GAS7: variants seen among roughly 807,000 people sequenced by gnomAD.
The protein encoded by GAS7 is growth arrest specific 7.
A neutral mutation model predicts 71.1 loss-of-function variants in GAS7; 28 were observed. That is an observed-to-expected ratio of 0.39 (90% CI 0.29 to 0.54). The LOEUF (loss-of-function observed/expected upper bound fraction) is 0.54, where lower values mean the gene tolerates loss of function less well. Ranked by LOEUF, GAS7 falls within the 20% of genes least tolerant of loss-of-function variation. The probability of loss-of-function intolerance (pLI) is 0.62; values close to 1 mark genes in which losing one functional copy is unlikely to be tolerated. For missense variants in GAS7, 436 were observed against 627.8 expected (o/e 0.69, Z 3.27); for synonymous variants, 258 against 245.8 (o/e 1.05, Z -0.46).
chr17:10,064,205 G>A (rs3930968), intron 1 of GAS7, among the ~76,000 whole-genome samples: 84,747 of 151,946 alleles, frequency 0.56, 24,908 homozygotes, highest in African/African-American at 0.73. Context: ...CGGGCTCCAC[G>A]ACACGCAGGG....
At chr17:10,150,163 T>C (rs1191344812) in intron 1 of GAS7, among the ~76,000 whole-genome samples, 1 of 152,110 alleles carries the variant, frequency 6.6e-6, no homozygotes, top group Non-Finnish European at 1.5e-5. Context: ...GACCTAGAAA[T>C]AGTGGTTAAC....
In GAS7 at chr17:9,926,512, C is replaced by T. The variant is rs900038821; in HGVS notation, c.1014+129G>A. On this transcript the variant is annotated intron_variant, in intron 10 of 13. Coordinates refer to ENST00000432992, the MANE Select transcript of GAS7 (RefSeq NM_201433.2). This position sits in a 1 kb window ranked among gnomAD's most constrained non-coding sequence, Gnocchi z 5.0. The stretch of plus-strand genomic sequence containing the variant: ...TGGCGTAGGCACGAGGCTTGGACAT[C>T]CCCCTATTCCCCTACCTGGGGACAA... The T allele has an allele frequency of 5.8e-5, 56 of 968,428 alleles. No individual in the cohort carries two copies. Among genetic ancestry groups the T allele is most frequent in the Admixed American group, 3.7e-4 (18 of 48,848 alleles). The allele number at this position is 968,428 out of a possible 1,614,324, so 60.0% of individuals were successfully genotyped here. A position where few individuals can be genotyped will look rare whatever the true frequency, so the allele number is the denominator to read the frequency against.
chr17:10,135,081 T>C (rs898603916), intron 1 of GAS7, among the ~76,000 whole-genome samples: 1 of 152,136 alleles, frequency 6.6e-6, no homozygotes, highest in Non-Finnish European at 1.5e-5. Flanking sequence ...TCTACCTGCC[T>C]CGGCCTCCCA....
chr17:10,145,710 G>C (rs2074116113), intron 1 of GAS7, among the ~76,000 whole-genome samples: 1 of 152,168 alleles, frequency 6.6e-6, no homozygotes, highest in South Asian at 2.1e-4. Context: ...GGGCCAGGTG[G>C]GGGAGGTGGG....
At chr17:10,086,996 T>C (rs2073526573) in intron 1 of GAS7, among the ~76,000 whole-genome samples, 1 of 152,176 alleles carries the variant, frequency 6.6e-6, no homozygotes, top group Admixed American at 6.5e-5. Flanking sequence ...TCCCCAGTTA[T>C]GAAATAATGT....
chr17:10,117,603 T>A (rs2073871764), intron 1 of GAS7, among the ~76,000 whole-genome samples: 1 of 151,938 alleles, frequency 6.6e-6, no homozygotes, highest in African/African-American at 2.4e-5. Context: ...GGGGACCCAA[T>A]TATGTAGCAC....
intron 9 of GAS7, among the ~76,000 whole-genome samples, chr17:9,932,658 A>C (rs1215649168): frequency 6.6e-6 from 1 of 152,208 alleles, no homozygotes; most frequent in African/African-American, 2.4e-5. Flanking sequence ...AGGGAGAGTC[A>C]CTTGGAAACA....
chr17:10,176,101 T>C (rs1166813083), intron 1 of GAS7, among the ~76,000 whole-genome samples: 4 of 152,130 alleles, frequency 2.6e-5, no homozygotes, highest in Admixed American at 2.6e-4. Flanking sequence ...CCTCGAGCCT[T>C]AGAGGGGCTT....
intron 4 of GAS7, among the ~76,000 whole-genome samples, chr17:9,961,995 G>T (rs1382005336): frequency 6.6e-6 from 1 of 152,180 alleles, no homozygotes; most frequent in Non-Finnish European, 1.5e-5. Flanking sequence ...GTAGAATAAG[G>T]CTTGACGCAG....
chr17:10,123,191 C>G (rs2073918764), intron 1 of GAS7, among the ~76,000 whole-genome samples: 3 of 152,210 alleles, frequency 2.0e-5, no homozygotes, highest in Admixed American at 2.0e-4. Flanking sequence ...CTGGAGTCAC[C>G]TGTCAGACTC....
At chr17:10,153,636 G>A (rs2074184144) in intron 1 of GAS7, among the ~76,000 whole-genome samples, 1 of 152,008 alleles carries the variant, frequency 6.6e-6, no homozygotes, top group African/African-American at 2.4e-5. Flanking sequence ...AATTAGTATT[G>A]TTCTTTTAAA....
chr17:10,053,137 A>G (rs8071931), intron 1 of GAS7, among the ~76,000 whole-genome samples: 40,278 of 151,856 alleles, frequency 0.27, 6,791 homozygotes, highest in African/African-American at 0.49. Flanking sequence ...TGAAAGCACT[A>G]CCCACACATT....
intron 1 of GAS7, among the ~76,000 whole-genome samples, chr17:10,168,257 A>G (rs1022120652): frequency 6.6e-6 from 1 of 152,242 alleles, no homozygotes; most frequent in African/African-American, 2.4e-5. Flanking sequence ...ACAAAAAAAA[A>G]TAACTTCAAG....
chr17:10,030,261 C>T (rs1354430587), intron 1 of GAS7, among the ~76,000 whole-genome samples: 1 of 152,212 alleles, frequency 6.6e-6, no homozygotes, highest in Non-Finnish European at 1.5e-5. Flanking sequence ...GGAATCCATT[C>T]AGGTGGATAG....
chr17:9,974,975 G>A lies in GAS7; in HGVS notation c.386-5213C>T, dbSNP rs1208446399. 6.6e-6 allele frequency among the ~76,000 whole-genome samples: 1 copy of A among 152,148 alleles called. No individual in the cohort carries two copies. The highest frequency in any genetic ancestry group is 1.5e-5 in the Non-Finnish European group (1 of 68,028). On this transcript the variant is annotated intron_variant, in intron 3 of 13. Coordinates refer to ENST00000432992, the MANE Select transcript of GAS7 (RefSeq NM_201433.2). The surrounding 1 kb of genome is among the most constrained non-coding windows in gnomAD (Gnocchi z 4.0). ...AAAAGAACATAAGAAAATCAGCCAT[G>A]AACACTCTCTTATTATACCTCCTGT...
chr17:10,091,022 T>C (rs2073576382), intron 1 of GAS7, among the ~76,000 whole-genome samples: 1 of 152,004 alleles, frequency 6.6e-6, no homozygotes, highest in South Asian at 2.1e-4. Flanking sequence ...TCCCAACCCT[T>C]CTCACCGCCT....
chr17:10,003,975 T>C (rs16959225), intron 2 of GAS7, among the ~76,000 whole-genome samples: 36,206 of 152,106 alleles, frequency 0.24, 6,612 homozygotes, highest in African/African-American at 0.51. Context: ...ATCTCATCGA[T>C]GGGACCTCAT....
rs1013365985 is a variant in GAS7, at chr17:9,915,246, C to T, written c.*1982G>A. ...CAGATGTAATGGAAAAGTCAATGAG[C>T]CATATTGTACTCAAAATATCTTGTT... On this transcript the variant is annotated 3_prime_UTR_variant, in exon 14 of 14. Coordinates refer to ENST00000432992, the MANE Select transcript of GAS7 (RefSeq NM_201433.2). 4.3e-6 allele frequency: 1 copy of T among 230,802 alleles called. No homozygotes were observed. The highest frequency in any genetic ancestry group is 2.2e-5 in the African/African-American group (1 of 45,166). 14.3% of individuals were successfully genotyped at this position (230,802 alleles called of 1,614,324 possible).
intron 9 of GAS7, among the ~76,000 whole-genome samples, chr17:9,927,288 CAT>C (rs1242892246): frequency 4.8e-4 from 62 of 129,294 alleles, no homozygotes; most frequent in Middle Eastern, 3.9e-3. Context: ...ATCTCTACTA[CAT>C]ACACACACAC....
Sources: gnomAD v4.1 joint callset for allele counts (sites outside exome capture counted in the v4.1 genomes callset) on GRCh38, gnomAD v4.1.1 for gene constraint, Gnocchi (gnomAD v3.1) non-coding constraint, MANE v1.5 for transcripts, NCBI Gene and HGNC (gene_info 2026-07-23, HGNC 2026-07-21) for gene names.